The following MFSD11 variants were observed in gnomAD, a reference collection of about 807,000 sequenced individuals.
MFSD11 encodes UNC93-like protein MFSD11.
In MFSD11, 36 loss-of-function variants were observed where a neutral mutation model predicts 53.5. The ratio of observed to expected loss-of-function variants is 0.67; its 90% confidence interval spans 0.52 to 0.89. MFSD11 has a LOEUF of 0.89. Among genes scored for constraint, MFSD11 ranks in the 40% least tolerant of loss-of-function variants. MFSD11 has a pLI of 0.00. For missense variants in MFSD11, 530 were observed against 543.9 expected, an observed-to-expected ratio of 0.97 and a Z score of 0.25; for synonymous variants, 186 against 184.9, an observed-to-expected ratio of 1.01 and a Z score of -0.05.
intron 2 of MFSD11, among the ~76,000 whole-genome samples, chr17:76,740,021 A>C (rs1404561989): frequency 6.6e-6 from 1 of 151,852 alleles, no homozygotes; most frequent in African/African-American, 2.4e-5. Flanking sequence ...AAAAAAAAAA[A>C]AAATTAGCCA....
At chr17:76,744,098 A>G (rs58421922) in intron 6 of MFSD11, among the ~76,000 whole-genome samples, 3,623 of 152,292 alleles carry the variant, frequency 0.024, 145 homozygotes, top group African/African-American at 0.082. Flanking sequence ...AAAGAAGGCG[A>G]TTAAGCCCTT....
chr17:76,798,684 C>T, the MFSD11 span, among the ~76,000 whole-genome samples: 2 of 152,144 alleles, frequency 1.3e-5, no homozygotes, highest in Non-Finnish European at 1.5e-5. Context: ...AGGTGACTCT[C>T]GGGAAGTGGT....
chr17:76,783,206 T>C (rs2082214437), downstream of MFSD11, among the ~76,000 whole-genome samples: 1 of 152,034 alleles, frequency 6.6e-6, no homozygotes, highest in South Asian at 2.1e-4. Context: ...ATTTTTATGC[T>C]TGTCTTATAT....
chr17:76,785,850 G>A (rs1259828330), downstream of MFSD11, among the ~76,000 whole-genome samples: 1 of 152,008 alleles, frequency 6.6e-6, no homozygotes, highest in Non-Finnish European at 1.5e-5. Context: ...GGAGGCCAAG[G>A]CAGGTGGATC....
chr17:76,790,075 C>CTTTTTTTTTTT, the MFSD11 span, among the ~76,000 whole-genome samples: 8 of 136,026 alleles, frequency 5.9e-5, no homozygotes, highest in Non-Finnish European at 6.4e-5. Context: ...CATTTCTTTT[C>CTTTTTTTTTTT]TTTTTTTTTT....
chr17:76,797,997 C>T, the MFSD11 span, among the ~76,000 whole-genome samples: 1 of 151,976 alleles, frequency 6.6e-6, no homozygotes, highest in African/African-American at 2.4e-5. Flanking sequence ...GATCCTCCCA[C>T]CTCAGCCTCC....
chr17:76,743,768 C>T (rs914109557), intron 6 of MFSD11, among the ~76,000 whole-genome samples: 4 of 152,264 alleles, frequency 2.6e-5, no homozygotes, highest in African/African-American at 9.6e-5. Context: ...AGGCCTGCAC[C>T]ACCACGCCCA....
chr17:76,769,448 C>T (rs984193648), intron 9 of MFSD11: 1 of 232,488 alleles, frequency 4.3e-6, no homozygotes, highest in African/African-American at 2.3e-5. Flanking sequence ...GAGAGGGCTC[C>T]ACCCTCATGG....
chr17:76,758,242 A>G (rs2079844488), intron 8 of MFSD11, among the ~76,000 whole-genome samples: 1 of 152,208 alleles, frequency 6.6e-6, no homozygotes. Context: ...ACTTTATATT[A>G]AAACTTTTAG....
At position 76,767,014 on chromosome 17, in the gene MFSD11, A is replaced by C. The variant is rs117093224; in HGVS notation, c.683-372A>C. On this transcript the variant is annotated intron_variant, in intron 8 of 12. Transcript: ENST00000685175. Reference sequence around the variant, plus strand: ...CCACTCTTAAAGCTGCTCCATGATAATTCTTTAGGGAAGTCAGTGCTTTGC... The same window carrying C: ...CCACTCTTAAAGCTGCTCCATGATACTTCTTTAGGGAAGTCAGTGCTTTGC... 2.2e-4 allele frequency: 39 copies of C among 177,036 alleles called. No homozygotes were observed. In the East Asian group the frequency reaches 6.3e-3, roughly 29 times the overall value. 11.0% of individuals were successfully genotyped at this position (177,036 alleles called of 1,614,324 possible). A position where few individuals can be genotyped will look rare whatever the true frequency, so the allele number is the denominator to read the frequency against.
At chr17:76,760,427 C>T (rs1196184836) in intron 8 of MFSD11, among the ~76,000 whole-genome samples, 2 of 151,980 alleles carry the variant, frequency 1.3e-5, no homozygotes, top group Non-Finnish European at 2.9e-5. Context: ...TTGGCAGAGG[C>T]AGAAGAAAGT....
chr17:76,753,927 A>G lies in MFSD11; in HGVS notation c.642-120A>G, dbSNP rs1430791958. 8.3e-6 allele frequency: 6 copies of G among 725,018 alleles called. No homozygotes were observed. The African/African-American group carries it at 1.1e-4, about 13-fold the overall frequency. 44.9% of individuals were successfully genotyped at this position (725,018 alleles called of 1,614,324 possible). A position where few individuals can be genotyped will look rare whatever the true frequency, so the allele number is the denominator to read the frequency against. ...GGCAAGGAGCATTCGAGTCACTGGG[A>G]ATGCATCTCAGACCTGGTATAGGAC... On this transcript the variant is annotated intron_variant, in intron 7 of 12. Transcript: ENST00000685175.
rs929879213 is a variant in MFSD11, at chr17:76,744,320, A to G, written c.497-2A>G. 2 of 1,608,366 alleles carry G rather than the reference A, an allele frequency of 1.2e-6. No individual in the cohort carries two copies. The highest frequency in any genetic ancestry group is 1.3e-5 in the African/African-American group (1 of 74,604). ...ATCTTGTTTCTTCTTTTTTCTCCGTAGAGAGTGACCGAAGAACAGTGTTTA... is the reference window on the plus strand; with the variant it reads ...ATCTTGTTTCTTCTTTTTTCTCCGTGGAGAGTGACCGAAGAACAGTGTTTA... On this transcript the variant is annotated splice_acceptor_variant, in intron 6 of 12. Transcript: ENST00000685175. LOFTEE classifies it high-confidence loss of function.
At chr17:76,754,124 C>G (rs1446704328) in intron 8 of MFSD11, 37 bp downstream of exon 8, 1 of 1,440,674 alleles carries the variant, frequency 6.9e-7, no homozygotes, top group South Asian at 1.2e-5. Context: ...AAGAACTGTT[C>G]AGGAACAACT....
downstream of MFSD11, among the ~76,000 whole-genome samples, chr17:76,782,898 G>A (rs899290469): frequency 6.6e-5 from 10 of 151,904 alleles, no homozygotes; most frequent in Non-Finnish European, 1.5e-4. Context: ...GAAATGTGGG[G>A]CCAGGCACGG....
the MFSD11 span, among the ~76,000 whole-genome samples, chr17:76,796,801 C>G: frequency 1.5e-5 from 1 of 68,592 alleles, no homozygotes; most frequent in Non-Finnish European, 3.0e-5. Flanking sequence ...CCCATCTCTA[C>G]TAAAAATACC....
intron 8 of MFSD11, among the ~76,000 whole-genome samples, chr17:76,765,086 G>C (rs1241212131): frequency 4.6e-5 from 7 of 152,050 alleles, no homozygotes; most frequent in Non-Finnish European, 1.0e-4. Flanking sequence ...CTTCACCCCA[G>C]GTCCTGAAAA....
At chr17:76,737,387 G>C, upstream of MFSD11, 1 of 513,186 alleles carries the variant, frequency 1.9e-6, no homozygotes, top group Non-Finnish European at 3.3e-6. Context: ...AATGGCGCCC[G>C]CGCCACCCGG....
chr17:76,765,594 C>T lies in MFSD11; in HGVS notation c.683-1792C>T, dbSNP rs192263262. Among the ~76,000 whole-genome samples the T allele has an allele frequency of 6.0e-5, 9 of 151,066 alleles. No homozygotes were observed. In the East Asian group the frequency reaches 1.8e-3, roughly 30 times the overall value. On this transcript the variant is annotated intron_variant, in intron 8 of 12. Transcript: ENST00000685175. ...CCTCCCATCTTAGCCTTCCAAGTAG[C>T]TGGGACTATAGGTGTGCACCACCAT...
Sources: allele counts gnomAD v4.1 joint callset (sites outside exome capture counted in the v4.1 genomes callset), GRCh38; gene constraint gnomAD v4.1.1; transcripts MANE v1.5; gene names NCBI Gene and HGNC (gene_info 2026-07-23, HGNC 2026-07-21).